ANKH: variants seen among roughly 807,000 people sequenced by gnomAD.
The protein encoded by ANKH is ANKH inorganic pyrophosphate transport regulator, also known as mineralization regulator ANKH.
ANKH carries 15 observed loss-of-function variants against 49.0 expected under a neutral mutation model. That is an observed-to-expected ratio of 0.31 (90% confidence interval 0.20 to 0.47). ANKH has a LOEUF of 0.47. Among genes scored for constraint, ANKH ranks in the 20% least tolerant of loss-of-function variants. ANKH has a pLI of 1.00. For missense variants in ANKH, 429 were observed against 652.0 expected (o/e 0.66, Z 3.72); for synonymous variants, 273 against 260.0 (o/e 1.05, Z -0.48).
chr5:14,729,086 C>T (rs886977883), intron 8 of ANKH, among the ~76,000 whole-genome samples: 9 of 151,948 alleles, frequency 5.9e-5, no homozygotes, highest in African/African-American at 1.7e-4. Flanking sequence ...GACAGTCTTG[C>T]TCTGTCAGCC....
intron 8 of ANKH, among the ~76,000 whole-genome samples, chr5:14,738,689 G>A (rs1182943802): frequency 6.6e-6 from 1 of 151,978 alleles, no homozygotes; most frequent in Non-Finnish European, 1.5e-5. Flanking sequence ...AGCATTTTAG[G>A]AGGCCAGGAA....
chr5:14,730,552 G>A (rs1580012132), intron 8 of ANKH, among the ~76,000 whole-genome samples: 2 of 152,214 alleles, frequency 1.3e-5, no homozygotes, highest in South Asian at 2.1e-4. Flanking sequence ...ACAGCAAAAC[G>A]TGCATCCATG....
chr5:14,730,629 C>T (rs750799045), intron 8 of ANKH, among the ~76,000 whole-genome samples: 3 of 152,300 alleles, frequency 2.0e-5, no homozygotes, highest in East Asian at 1.9e-4. Context: ...GGTCCTGGGA[C>T]GCCCCACGCA....
intron 1 of ANKH, among the ~76,000 whole-genome samples, chr5:14,794,591 C>G (rs1740313016): frequency 6.6e-6 from 1 of 152,242 alleles, no homozygotes; most frequent in Non-Finnish European, 1.5e-5. Context: ...ACTAACTGCT[C>G]TAATTTGGAA....
At chr5:14,824,076 A>G (rs188746789) in intron 1 of ANKH, among the ~76,000 whole-genome samples, 11 of 152,336 alleles carry the variant, frequency 7.2e-5, no homozygotes, top group Non-Finnish European at 1.3e-4. Flanking sequence ...CTGTGACTGC[A>G]GACAAAAACC....
intron 1 of ANKH, among the ~76,000 whole-genome samples, chr5:14,835,205 G>A (rs1580105357): frequency 6.6e-6 from 1 of 152,236 alleles, no homozygotes; most frequent in East Asian, 1.9e-4. Context: ...TATATTTTAT[G>A]ACCAGGCTTA....
At chr5:14,758,343 G>T (rs1580045594) in intron 3 of ANKH, 137 bp downstream of exon 3, 3 of 730,548 alleles carry the variant, frequency 4.1e-6, no homozygotes, top group Non-Finnish European at 4.8e-6. Flanking sequence ...CTGAAGATTG[G>T]TTACACAATA....
intron 1 of ANKH, among the ~76,000 whole-genome samples, chr5:14,848,514 T>C (rs1742031855): frequency 6.6e-6 from 1 of 152,182 alleles, no homozygotes; most frequent in African/African-American, 2.4e-5. Context: ...GAGCTGAGCT[T>C]TTGCTCGCCG....
chr5:14,805,814 A>G (rs1246028890), intron 1 of ANKH, among the ~76,000 whole-genome samples: 3 of 152,038 alleles, frequency 2.0e-5, no homozygotes, highest in African/African-American at 7.2e-5. Flanking sequence ...CGAGGGTATG[A>G]CCAGTCTCAC....
chr5:14,806,724 G>A (rs1028907578), intron 1 of ANKH, among the ~76,000 whole-genome samples: 6 of 152,160 alleles, frequency 3.9e-5, no homozygotes, highest in East Asian at 3.9e-4. Context: ...GTCCTTAGGC[G>A]TCATCAGTTT....
In ANKH at chr5:14,713,530, C is replaced by G; in HGVS notation, c.1265+14G>C. The G allele has an allele frequency of 6.2e-7, 1 of 1,613,958 alleles. No homozygotes were observed. The highest frequency in any genetic ancestry group is 8.5e-7 in the Non-Finnish European group (1 of 1,179,912). ...GCAGAAGGACCCACAGCCCCAAACT[C>G]CCTGACAACATACCCCAGGTAGGGT... On this transcript the variant is annotated intron_variant, in intron 10 of 11. Coordinates refer to ENST00000284268, the MANE Select transcript of ANKH (RefSeq NM_054027.6). This position sits in a 1 kb window ranked among gnomAD's most constrained non-coding sequence, Gnocchi z 4.4.
At position 14,749,205 on chromosome 5, in the gene ANKH, G is replaced by A. The variant is rs1248002636; in HGVS notation, c.789C>T (p.Ser263=). 1 of 1,613,946 alleles carries A rather than the reference G, an allele frequency of 6.2e-7. No homozygotes were observed. The highest frequency in any genetic ancestry group is 8.5e-7 in the Non-Finnish European group (1 of 1,179,962). ...CTGCAGAACTGCCACCAAGGTCCCG[G>A]GAAACAAAGAGGTTGACAATAGGCC... ...ISRPIVNLFV[S]RDLGGSSAAT... Residue 263 remains serine, a synonymous_variant, in exon 6 of 12, where the codon TCC becomes TCT. Transcript: ENST00000284268.
At chr5:14,797,381 G>T in intron 1 of ANKH, 1 of 1,610,762 alleles carries the variant, frequency 6.2e-7, no homozygotes, top group East Asian at 2.2e-5. Flanking sequence ...CATTCGGTCT[G>T]TGATCAGTAC....
chr5:14,803,896 C>A (rs1025044559), intron 1 of ANKH, among the ~76,000 whole-genome samples: 4 of 151,962 alleles, frequency 2.6e-5, no homozygotes, highest in African/African-American at 9.7e-5. Context: ...AGTTCTCTAC[C>A]CCCAACTTTG....
chr5:14,778,276 C>T (rs1410234207), intron 1 of ANKH, among the ~76,000 whole-genome samples: 1 of 152,206 alleles, frequency 6.6e-6, no homozygotes, highest in Non-Finnish European at 1.5e-5. Flanking sequence ...ATTCACACGC[C>T]TAGCCATATT....
intron 9 of ANKH, 61 bp downstream of exon 9, chr5:14,716,645 G>T: frequency 1.9e-6 from 3 of 1,607,226 alleles, no homozygotes; most frequent in Non-Finnish European, 2.6e-6. Flanking sequence ...CATTTCCAAA[G>T]AAAGATTTAA....
chr5:14,802,173 A>G (rs1380904910), intron 1 of ANKH, among the ~76,000 whole-genome samples: 2 of 152,008 alleles, frequency 1.3e-5, no homozygotes, highest in African/African-American at 4.8e-5. Flanking sequence ...AGGTGCTTCA[A>G]TCTCAGTGCG....
chr5:14,824,591 G>A (rs1168902637), intron 1 of ANKH, among the ~76,000 whole-genome samples: 1 of 152,164 alleles, frequency 6.6e-6, no homozygotes, highest in Non-Finnish European at 1.5e-5. Flanking sequence ...AACAGTACCA[G>A]TAATAAATAA....
intron 8 of ANKH, among the ~76,000 whole-genome samples, chr5:14,736,077 C>G (rs148939021): frequency 7.4e-6 from 1 of 135,470 alleles, no homozygotes; most frequent in Admixed American, 8.3e-5. Flanking sequence ...CCATTGACCT[C>G]GGATACCCTT....
Sources: allele counts gnomAD v4.1 joint callset (sites outside exome capture counted in the v4.1 genomes callset), GRCh38; gene constraint gnomAD v4.1.1; non-coding constraint Gnocchi (gnomAD v3.1); transcripts MANE v1.5; gene names NCBI Gene and HGNC (gene_info 2026-07-23, HGNC 2026-07-21).